Variants in RBPJ observed in about 807,000 individuals in gnomAD.
The protein encoded by RBPJ is recombination signal binding protein for immunoglobulin kappa J region, also known as recombining binding protein suppressor of hairless.
Under a neutral mutation model 67.8 loss-of-function variants are expected in RBPJ, and 9 were observed. The ratio of observed to expected loss-of-function variants is 0.13; its 90% confidence interval spans 0.08 to 0.23. RBPJ has a LOEUF of 0.23. RBPJ is among the 10% of genes least tolerant of loss of function. The pLI is 1.00. For synonymous variants in RBPJ, 198 were observed against 203.3 expected, an observed-to-expected ratio of 0.97 and a Z score of 0.22; for missense variants, 305 against 595.6, an observed-to-expected ratio of 0.51 and a Z score of 5.08.
At chr4:26,141,337 C>T in the RBPJ span, among the ~76,000 whole-genome samples, 17 of 152,194 alleles carry the variant, frequency 1.1e-4, no homozygotes, top group African/African-American at 3.6e-4. Flanking sequence ...AGGCCAGGGA[C>T]GAGCCCAGCA....
rs150071151 is a variant in RBPJ at position 26,231,954 on chromosome 4, C to T, written c.-167+68340C>T. Among the ~76,000 whole-genome samples the T allele has an allele frequency of 2.0e-3, 301 of 151,458 alleles. 1 individual carries two copies. The highest frequency in any genetic ancestry group is 6.8e-3 in the African/African-American group (280 of 41,284). ...TCGCCCAGGCTGGAGTGCAGTGGTG[C>T]GATCTTGGCTCATTGCAACCTCCAC... On this transcript the variant is annotated intron_variant, in intron 1 of 4. Coordinates refer to the RBPJ transcript ENST00000512351.
intron 1 of RBPJ, among the ~76,000 whole-genome samples, chr4:26,280,810 A>C (rs1435718217): frequency 1.3e-5 from 2 of 152,228 alleles, no homozygotes; most frequent in Non-Finnish European, 2.9e-5. Flanking sequence ...GAGACTTCCC[A>C]TGTGCTATCC....
At chr4:26,287,581 C>A (rs6842460) in intron 1 of RBPJ, among the ~76,000 whole-genome samples, 123 of 11,448 alleles carry the variant, frequency 0.011, 2 homozygotes, top group African/African-American at 0.032. Flanking sequence ...AAGGAAAGGA[C>A]AGGAGAGGAG....
upstream of RBPJ, among the ~76,000 whole-genome samples, chr4:26,161,853 G>A (rs1219104073): frequency 6.6e-6 from 1 of 152,180 alleles, no homozygotes; most frequent in African/African-American, 2.4e-5. Context: ...ATTATTGACC[G>A]TCACGACAAC....
In RBPJ at chr4:26,266,335, C is replaced by T. The variant is rs576240608; in HGVS notation, c.-166-96111C>T. Among the ~76,000 whole-genome samples, 12 of 152,266 alleles carry T rather than the reference C, an allele frequency of 7.9e-5. 1 individual carries two copies. The South Asian group carries it at 2.5e-3, about 32-fold the overall frequency. On this transcript the variant is annotated intron_variant, in intron 1 of 4. Coordinates refer to the RBPJ transcript ENST00000512351. Reference sequence around the variant, plus strand: ...TACTTAATTTATATTTTACATGACACGGGCATCTTCATAAGGAAATGAAGA... The same window carrying T: ...TACTTAATTTATATTTTACATGACATGGGCATCTTCATAAGGAAATGAAGA...
intron 1 of RBPJ, among the ~76,000 whole-genome samples, chr4:26,302,999 A>G (rs941570157): frequency 6.6e-6 from 1 of 151,632 alleles, no homozygotes; most frequent in Admixed American, 6.6e-5. Flanking sequence ...TGGCCAACAT[A>G]GTCATACCCC....
chr4:26,185,376 A>T (rs959724181), intron 1 of RBPJ, among the ~76,000 whole-genome samples: 1 of 152,150 alleles, frequency 6.6e-6, no homozygotes, highest in Admixed American at 6.5e-5. Flanking sequence ...TGGAAGAAAA[A>T]TGGTTTCTCT....
At chr4:26,111,690 T>C in the RBPJ span, among the ~76,000 whole-genome samples, 5 of 152,114 alleles carry the variant, frequency 3.3e-5, no homozygotes, top group Non-Finnish European at 7.4e-5. Flanking sequence ...CCTGAAGCCA[T>C]TGAAGTGTGT....
At chr4:26,398,926 C>T (rs1370884207) in intron 2 of RBPJ, among the ~76,000 whole-genome samples, 2 of 152,114 alleles carry the variant, frequency 1.3e-5, no homozygotes, top group African/African-American at 4.8e-5. Context: ...TTTCAGAATT[C>T]TGTGTGTTAT....
chr4:26,403,159 A>G (rs1177533413), intron 2 of RBPJ, among the ~76,000 whole-genome samples: 3 of 151,952 alleles, frequency 2.0e-5, no homozygotes, highest in South Asian at 2.1e-4. Context: ...TTCAGTTTCT[A>G]TAGTATTGAT....
intron 1 of RBPJ, among the ~76,000 whole-genome samples, chr4:26,307,129 A>T (rs763916944): frequency 1.3e-5 from 2 of 152,132 alleles, no homozygotes; most frequent in Non-Finnish European, 1.5e-5. Flanking sequence ...TGTAAATCAT[A>T]CCCTCCGAGG....
chr4:26,285,678 T>TAAAAAAAAAAAAAAAAA (rs545484809), intron 1 of RBPJ, among the ~76,000 whole-genome samples: 1 of 96,282 alleles, frequency 1.0e-5, no homozygotes. Flanking sequence ...ACTGATACGT[T>TAAAAAAAAAAAAAAAAA]AAAAAAAAAA....
chr4:26,304,691 G>A (rs1233463942), intron 1 of RBPJ, among the ~76,000 whole-genome samples: 5 of 151,390 alleles, frequency 3.3e-5, no homozygotes, highest in Admixed American at 2.6e-4. Flanking sequence ...TGAACGATTT[G>A]TCTTTTTATT....
chr4:26,388,541 CTGTAATTAGTAGAACCTGAGCTAG>C (rs1380986190), intron 2 of RBPJ, among the ~76,000 whole-genome samples: 2 of 152,092 alleles, frequency 1.3e-5, no homozygotes, highest in African/African-American at 4.8e-5. Context: ...GGCCTACAGA[CTGTAATTAGTAGAACCTGAGCTAG>C]AGGAGAGGTT....
the RBPJ span, among the ~76,000 whole-genome samples, chr4:26,125,938 A>C: frequency 2.0e-5 from 3 of 152,142 alleles, no homozygotes; most frequent in African/African-American, 7.2e-5. Context: ...TGCTCTCTCC[A>C]GGTGTGCGGA....
At position 26,431,463 on chromosome 4, in the gene RBPJ, C is replaced by A; in HGVS notation, c.*456C>A. ...TTTTTTATATCACGGTATTATAGTA[C>A]ACCTTGTTACCAAATAGGTTGTTCT... is the stretch of plus-strand genomic sequence containing the variant. On this transcript the variant is annotated 3_prime_UTR_variant, in exon 11 of 11. Transcript: ENST00000355476. 1 of 155,798 alleles carries A rather than the reference C, an allele frequency of 6.4e-6. No homozygotes were observed. Among genetic ancestry groups the A allele is most frequent in the Non-Finnish European group, 1.4e-5 (1 of 70,198 alleles). The allele number at this position is 155,798 out of a possible 1,614,324, so 9.7% of individuals were successfully genotyped here. A position where few individuals can be genotyped will look rare whatever the true frequency, so the allele number is the denominator to read the frequency against.
chr4:26,292,766 CTG>C (rs1315029593), intron 1 of RBPJ, among the ~76,000 whole-genome samples: 3 of 150,074 alleles, frequency 2.0e-5, no homozygotes, highest in Non-Finnish European at 4.5e-5. Flanking sequence ...TATTAAAAAA[CTG>C]TGGTGTGTGT....
At chr4:26,306,164 C>T (rs1241757685) in intron 1 of RBPJ, among the ~76,000 whole-genome samples, 1 of 152,070 alleles carries the variant, frequency 6.6e-6, no homozygotes. Flanking sequence ...ACTTTTACTT[C>T]CTTCTTTCCA....
intron 1 of RBPJ, among the ~76,000 whole-genome samples, chr4:26,166,052 A>T (rs1304905676): frequency 1.4e-5 from 2 of 146,048 alleles, no homozygotes; most frequent in Non-Finnish European, 3.0e-5. Flanking sequence ...TGAACTCATC[A>T]TTTTTTATGG....
Sources: gnomAD v4.1 joint callset for allele counts (sites outside exome capture counted in the v4.1 genomes callset) on GRCh38, gnomAD v4.1.1 for gene constraint, MANE v1.5 for transcripts, NCBI Gene and HGNC (gene_info 2026-07-23, HGNC 2026-07-21) for gene names.